Variants in KANSL1 observed in about 807,000 individuals in gnomAD.
The protein encoded by KANSL1 is KAT8 regulatory NSL complex subunit 1, also known as MLL1/MLL complex subunit KANSL1.
A neutral mutation model predicts 103.6 loss-of-function variants in KANSL1; 22 were observed. The ratio of observed to expected loss-of-function variants is 0.21; its 90% confidence interval spans 0.15 to 0.30. KANSL1 has a LOEUF of 0.30. KANSL1 is among the 10% of genes least tolerant of loss of function. The pLI is 1.00. For missense variants in KANSL1, 1,337 were observed against 1,399.8 expected, an observed-to-expected ratio of 0.96 and a Z score of 0.72; for synonymous variants, 600 against 527.6, an observed-to-expected ratio of 1.14 and a Z score of -1.88.
intron 2 of KANSL1, among the ~76,000 whole-genome samples, chr17:46,144,653 G>T (rs2222746): frequency 0.12 from 18,549 of 149,698 alleles, 22 homozygotes; most frequent in Middle Eastern, 0.19. Flanking sequence ...TCACCAAAAA[G>T]ATTATATCCA....
At chr17:46,223,793 T>G (rs2048602160), upstream of KANSL1, 1 of 152,418 alleles carries the variant, frequency 6.6e-6, no homozygotes, top group South Asian at 2.1e-4. Context: ...ATCTTTTGTT[T>G]CGAGAAGGTA....
chr17:46,063,899 T>TTTA (rs2078270181), intron 6 of KANSL1, among the ~76,000 whole-genome samples: 2 of 141,630 alleles, frequency 1.4e-5, no homozygotes, highest in Admixed American at 7.2e-5. Context: ...GGTGGCGGTT[T>TTTA]TTTTTTTTTT....
intron 7 of KANSL1, chr17:46,049,871 G>T (rs1013278258): frequency 5.3e-5 from 8 of 152,094 alleles, no homozygotes; most frequent in Admixed American, 5.2e-4. Context: ...TATTCTCCTA[G>T]AACACTGCCG....
intron 1 of KANSL1, among the ~76,000 whole-genome samples, chr17:46,188,099 T>C (rs994494473): frequency 2.6e-5 from 4 of 152,242 alleles, no homozygotes; most frequent in Non-Finnish European, 5.9e-5. Context: ...CAAATAATAA[T>C]AGTTACCCCC....
intron 2 of KANSL1, 154 bp downstream of exon 2, chr17:46,170,701 G>T: frequency 1.2e-6 from 1 of 813,926 alleles, no homozygotes; most frequent in Non-Finnish European, 1.9e-6. Context: ...TCACTAGCAT[G>T]TATATGCACT....
chr17:46,215,746 A>T (rs1049461107), intron 1 of KANSL1, among the ~76,000 whole-genome samples: 4 of 152,218 alleles, frequency 2.6e-5, no homozygotes, highest in African/African-American at 7.2e-5. Context: ...TCATTTTAAA[A>T]TGCCCATAAG....
intron 1 of KANSL1, among the ~76,000 whole-genome samples, chr17:46,202,036 C>T (rs898667243): frequency 5.9e-5 from 9 of 152,052 alleles, no homozygotes; most frequent in African/African-American, 2.2e-4. Flanking sequence ...CTGGGCTTGG[C>T]ACCGTGCATC....
At chr17:46,049,248 T>G (rs1468770187) in intron 7 of KANSL1, among the ~76,000 whole-genome samples, 13 of 142,222 alleles carry the variant, frequency 9.1e-5, no homozygotes, top group Non-Finnish European at 1.7e-4. Flanking sequence ...ACCTTTTTTT[T>G]TTTTTTTTTT....
chr17:46,068,313 C>T (rs574413938), intron 4 of KANSL1, among the ~76,000 whole-genome samples: 1 of 151,936 alleles, frequency 6.6e-6, no homozygotes, highest in Admixed American at 6.5e-5. Context: ...ACTGTAACCC[C>T]AGTATTTTGA....
At chr17:46,172,651 C>G (rs1332803891) in intron 1 of KANSL1, among the ~76,000 whole-genome samples, 2 of 152,218 alleles carry the variant, frequency 1.3e-5, no homozygotes, top group Non-Finnish European at 2.9e-5. Context: ...TTCCCGTGTT[C>G]ACTAAAAAAA....
chr17:46,090,349 G>A (rs879919436), intron 3 of KANSL1, among the ~76,000 whole-genome samples: 3 of 152,198 alleles, frequency 2.0e-5, no homozygotes, highest in Non-Finnish European at 2.9e-5. Flanking sequence ...TCCCATTTGT[G>A]ATAGTTTGTT....
chr17:46,224,969 G>A (rs1234733358), upstream of KANSL1: 2 of 151,564 alleles, frequency 1.3e-5, no homozygotes, highest in African/African-American at 4.8e-5. Flanking sequence ...GCGTCGGTCC[G>A]TCCCACCTCG....
upstream of KANSL1, among the ~76,000 whole-genome samples, chr17:46,225,063 G>C (rs1416143909): frequency 1.6e-4 from 24 of 151,576 alleles, no homozygotes; most frequent in African/African-American, 4.3e-4. Context: ...CCTCAGGCCA[G>C]TCGGCCGGCA....
intron 2 of KANSL1, among the ~76,000 whole-genome samples, chr17:46,137,707 A>G (rs1327653928): frequency 6.6e-6 from 1 of 152,042 alleles, no homozygotes; most frequent in Non-Finnish European, 1.5e-5. Context: ...ACTAAAAAAA[A>G]ATACAAAAAA....
intron 2 of KANSL1, among the ~76,000 whole-genome samples, chr17:46,125,280 T>C (rs1471919535): frequency 6.6e-6 from 1 of 152,214 alleles, no homozygotes; most frequent in Admixed American, 6.5e-5. Flanking sequence ...CAATAAATAT[T>C]TTAAAATTAA....
chr17:46,130,604 C>A (rs1305518646), intron 2 of KANSL1, among the ~76,000 whole-genome samples: 1 of 152,244 alleles, frequency 6.6e-6, no homozygotes. Flanking sequence ...CACATTCCTT[C>A]CCAAGGGCTT....
At chr17:46,180,420 C>A (rs532502627) in intron 1 of KANSL1, among the ~76,000 whole-genome samples, 6 of 152,272 alleles carry the variant, frequency 3.9e-5, no homozygotes, top group Admixed American at 6.5e-5. Flanking sequence ...ATCGCTGAAA[C>A]CTGAGCGGCA....
intron 6 of KANSL1, among the ~76,000 whole-genome samples, chr17:46,051,719 A>C (rs914805842): frequency 1.3e-5 from 2 of 152,252 alleles, no homozygotes; most frequent in Non-Finnish European, 2.9e-5. Flanking sequence ...TCAGTAGTAG[A>C]ACAAAGACAA....
intron 1 of KANSL1, among the ~76,000 whole-genome samples, chr17:46,185,692 TACACACACACACACAC>T (rs58833932): frequency 1.1e-4 from 16 of 144,310 alleles, no homozygotes; most frequent in African/African-American, 2.4e-4. Flanking sequence ...CACACATATA[TACACACACACACACAC>T]ACACACACAC....
Sources: allele counts gnomAD v4.1 joint callset (sites outside exome capture counted in the v4.1 genomes callset), GRCh38; gene constraint gnomAD v4.1.1; transcripts MANE v1.5; gene names NCBI Gene and HGNC (gene_info 2026-07-23, HGNC 2026-07-21).